Variants in GALNTL6 observed in about 807,000 individuals in gnomAD.
GALNTL6 encodes the protein polypeptide N-acetylgalactosaminyltransferase like 6.
GALNTL6 carries 46 observed loss-of-function variants against 73.7 expected under a neutral mutation model. The ratio of observed to expected loss-of-function variants is 0.62; its 90% CI spans 0.49 to 0.80. The LOEUF (loss-of-function observed/expected upper bound fraction) is 0.80, where lower values mean the gene tolerates loss of function less well. Among genes scored for constraint, GALNTL6 ranks in the 30% least tolerant of loss-of-function variants. GALNTL6 has a pLI of 0.00. For synonymous variants in GALNTL6, 259 were observed against 263.7 expected (o/e 0.98, Z 0.17); for missense variants, 604 against 755.0 (o/e 0.80, Z 2.34).
chr4:172,106,545 G>A (rs1732678995), intron 2 of GALNTL6, among the ~76,000 whole-genome samples: 2 of 151,972 alleles, frequency 1.3e-5, no homozygotes, highest in Non-Finnish European at 2.9e-5. Flanking sequence ...CATGTCAAAG[G>A]AAATATAGAA....
chr4:172,794,149 A>G (rs1740142910), intron 5 of GALNTL6, among the ~76,000 whole-genome samples: 1 of 152,238 alleles, frequency 6.6e-6, no homozygotes, highest in African/African-American at 2.4e-5. Context: ...GCCCTGCTGT[A>G]GAGGTTATTG....
chr4:172,198,132 C>T (rs909708281), intron 2 of GALNTL6, among the ~76,000 whole-genome samples: 2 of 151,672 alleles, frequency 1.3e-5, no homozygotes, highest in Admixed American at 6.6e-5. Context: ...AACAAAACCC[C>T]CAAAACTATA....
intron 8 of GALNTL6, among the ~76,000 whole-genome samples, chr4:172,893,215 C>T (rs1270039340): frequency 6.6e-6 from 1 of 152,134 alleles, no homozygotes; most frequent in African/African-American, 2.4e-5. Context: ...TGTAGGGATC[C>T]CTGAGGAAGA....
intron 3 of GALNTL6, among the ~76,000 whole-genome samples, chr4:172,278,704 C>T (rs1036635660): frequency 6.6e-6 from 1 of 152,092 alleles, no homozygotes; most frequent in East Asian, 1.9e-4. Flanking sequence ...TCATATTGAT[C>T]GATAACTATT....
intron 5 of GALNTL6, among the ~76,000 whole-genome samples, chr4:172,427,874 G>T (rs1731289190): frequency 6.6e-6 from 1 of 152,144 alleles, no homozygotes; most frequent in South Asian, 2.1e-4. Flanking sequence ...GGACATATTT[G>T]CTGGTTTATT....
chr4:172,312,809 A>C (rs970518431), intron 4 of GALNTL6, among the ~76,000 whole-genome samples: 6 of 152,288 alleles, frequency 3.9e-5, no homozygotes, highest in African/African-American at 9.6e-5. Context: ...AAAATTATGA[A>C]ATAATTACTG....
chr4:172,028,788 A>G (rs1214342354), intron 2 of GALNTL6, among the ~76,000 whole-genome samples: 12 of 152,046 alleles, frequency 7.9e-5, no homozygotes, highest in Admixed American at 7.9e-4. Flanking sequence ...CATATGAATG[A>G]ACAAAATCTG....
intron 5 of GALNTL6, among the ~76,000 whole-genome samples, chr4:172,626,785 C>T (rs1316281726): frequency 1.3e-5 from 2 of 151,916 alleles, no homozygotes; most frequent in Admixed American, 1.3e-4. Context: ...CTTGATTTGG[C>T]CCTCAGCTTG....
chr4:172,197,116 A>G (rs1364852254), intron 2 of GALNTL6, among the ~76,000 whole-genome samples: 1 of 152,156 alleles, frequency 6.6e-6, no homozygotes, highest in Non-Finnish European at 1.5e-5. Context: ...TCAATGTGCA[A>G]AACTCACAAG....
intron 2 of GALNTL6, among the ~76,000 whole-genome samples, chr4:171,973,675 A>G (rs1739635460): frequency 6.6e-6 from 1 of 152,134 alleles, no homozygotes; most frequent in African/African-American, 2.4e-5. Context: ...AGACTTCAAC[A>G]TATCTTTTTA....
At chr4:172,002,333 C>A (rs532048495) in intron 2 of GALNTL6, among the ~76,000 whole-genome samples, 72 of 152,138 alleles carry the variant, frequency 4.7e-4, no homozygotes, top group African/African-American at 1.6e-3. Context: ...TAAAAGAGGC[C>A]TCTGAGAGAT....
intron 5 of GALNTL6, among the ~76,000 whole-genome samples, chr4:172,475,606 CT>C: frequency 1.3e-5 from 2 of 152,230 alleles, no homozygotes; most frequent in Middle Eastern, 6.8e-3. Context: ...TTCTTAGTAA[CT>C]TTGTTTCATG....
At chr4:171,983,468 A>T (rs1229895330) in intron 2 of GALNTL6, among the ~76,000 whole-genome samples, 1 of 29,394 alleles carries the variant, frequency 3.4e-5, no homozygotes, top group African/African-American at 6.2e-5. Context: ...TCTTGATTTT[A>T]TTTATTTATT....
intron 10 of GALNTL6, among the ~76,000 whole-genome samples, chr4:172,985,258 CA>C (rs1232121392): frequency 6.6e-6 from 1 of 151,940 alleles, no homozygotes; most frequent in African/African-American, 2.4e-5. Context: ...ACATGACCTG[CA>C]AAAAGTTCTA....
chr4:172,533,316 A>T (rs1204823969), intron 5 of GALNTL6, among the ~76,000 whole-genome samples: 10 of 77,394 alleles, frequency 1.3e-4, no homozygotes, highest in African/African-American at 1.7e-4. Flanking sequence ...CCCGGCCAGA[A>T]TTTTTTTTTT....
chr4:172,888,140 T>C (rs1745832197), intron 8 of GALNTL6, among the ~76,000 whole-genome samples: 1 of 152,182 alleles, frequency 6.6e-6, no homozygotes. Flanking sequence ...TGTGGGTTGT[T>C]TGTGTACTCT....
chr4:171,893,871 A>G (rs1240259780), intron 2 of GALNTL6, among the ~76,000 whole-genome samples: 2 of 152,176 alleles, frequency 1.3e-5, no homozygotes, highest in Non-Finnish European at 2.9e-5. Flanking sequence ...TGGGATAGCC[A>G]AGAGAGAAGG....
At chr4:172,762,760 A>T (rs1214810798) in intron 5 of GALNTL6, among the ~76,000 whole-genome samples, 1 of 141,364 alleles carries the variant, frequency 7.1e-6, no homozygotes, top group Non-Finnish European at 1.5e-5. Flanking sequence ...TACTCTTCAA[A>T]TTATCCAAAC....
intron 2 of GALNTL6, among the ~76,000 whole-genome samples, chr4:172,087,277 A>T (rs1026083527): frequency 1.3e-5 from 2 of 152,104 alleles, no homozygotes; most frequent in East Asian, 3.9e-4. Flanking sequence ...CCCCGTCTCT[A>T]CTAAAAAATA....
Sources: allele counts gnomAD v4.1 joint callset (sites outside exome capture counted in the v4.1 genomes callset), GRCh38; gene constraint gnomAD v4.1.1; transcripts MANE v1.5; gene names NCBI Gene and HGNC (gene_info 2026-07-23, HGNC 2026-07-21).